KHDRBS2: variants seen among roughly 807,000 people sequenced by gnomAD.
KHDRBS2 encodes the protein KH RNA binding domain containing, signal transduction associated 2, also known as KH domain-containing, RNA-binding, signal transduction-associated protein 2.
In KHDRBS2, 26 loss-of-function variants were observed where a neutral mutation model predicts 44.3. That is an observed-to-expected ratio of 0.59 (90% confidence interval 0.43 to 0.81). The LOEUF is 0.81. KHDRBS2 is among the 40% of genes least tolerant of loss of function. KHDRBS2 has a pLI of 0.00. For synonymous variants in KHDRBS2, 194 were observed against 151.1 expected (o/e 1.28, Z -2.08); for missense variants, 476 against 433.1 (o/e 1.10, Z -0.88).
At chr6:62,208,101 A>C (rs1254054503) in intron 1 of KHDRBS2, among the ~76,000 whole-genome samples, 1 of 152,126 alleles carries the variant, frequency 6.6e-6, no homozygotes, top group Non-Finnish European at 1.5e-5. Context: ...GTATAGTTGA[A>C]TTATATTCTA....
chr6:62,235,339 A>T (rs1833542200), intron 1 of KHDRBS2, among the ~76,000 whole-genome samples: 1 of 151,904 alleles, frequency 6.6e-6, no homozygotes, highest in Non-Finnish European at 1.5e-5. Flanking sequence ...CTAGATAGAC[A>T]CTTTCTTCTG....
intron 6 of KHDRBS2, among the ~76,000 whole-genome samples, chr6:61,734,276 C>T (rs1774967586): frequency 6.6e-6 from 1 of 152,000 alleles, no homozygotes. Flanking sequence ...TAATTAGTTG[C>T]TATTGAGTTA....
the KHDRBS2 span, among the ~76,000 whole-genome samples, chr6:61,673,030 G>A: frequency 6.6e-6 from 1 of 151,726 alleles, no homozygotes; most frequent in Admixed American, 6.6e-5. Flanking sequence ...TGTATAAGGT[G>A]TAAGGAAGGG....
intron 1 of KHDRBS2, among the ~76,000 whole-genome samples, chr6:62,263,103 A>G (rs1459543887): frequency 6.6e-6 from 1 of 151,734 alleles, no homozygotes; most frequent in Non-Finnish European, 1.5e-5. Context: ...CTCAAAGGAA[A>G]GACTCATTAG....
At chr6:62,218,230 G>A (rs144642081) in intron 1 of KHDRBS2, among the ~76,000 whole-genome samples, 1 of 152,028 alleles carries the variant, frequency 6.6e-6, no homozygotes, top group African/African-American at 2.4e-5. Context: ...AGTCATCTGA[G>A]TAGACGAGAA....
chr6:62,062,315 C>T (rs376426324), intron 2 of KHDRBS2, among the ~76,000 whole-genome samples: 1 of 144,554 alleles, frequency 6.9e-6, no homozygotes, highest in South Asian at 2.3e-4. Flanking sequence ...CCCAAATCAA[C>T]AGAATATACA....
intron 4 of KHDRBS2, among the ~76,000 whole-genome samples, chr6:61,905,284 G>T (rs1804754674): frequency 6.6e-6 from 1 of 152,138 alleles, no homozygotes; most frequent in African/African-American, 2.4e-5. Context: ...GCATTCATGT[G>T]TGTAGTAGGG....
chr6:61,635,702 C>G, the KHDRBS2 span, among the ~76,000 whole-genome samples: 2 of 152,076 alleles, frequency 1.3e-5, no homozygotes, highest in Admixed American at 1.3e-4. Flanking sequence ...AAAAGGTGTT[C>G]TTTACATACC....
chr6:62,133,175 T>G (rs1386950868), intron 2 of KHDRBS2, among the ~76,000 whole-genome samples: 1 of 152,166 alleles, frequency 6.6e-6, no homozygotes, highest in Non-Finnish European at 1.5e-5. Context: ...AGTGGGAATG[T>G]AGATTGGTGA....
intron 2 of KHDRBS2, among the ~76,000 whole-genome samples, chr6:62,060,463 T>C (rs913328676): frequency 6.6e-6 from 1 of 151,642 alleles, no homozygotes; most frequent in African/African-American, 2.4e-5. Flanking sequence ...AATTTAGAGT[T>C]TGAGAAAAAG....
At chr6:61,576,544 CT>C in the KHDRBS2 span, among the ~76,000 whole-genome samples, 1 of 152,034 alleles carries the variant, frequency 6.6e-6, no homozygotes, top group African/African-American at 2.4e-5. Flanking sequence ...ATTTGGATGC[CT>C]TTTATTTCTT....
chr6:62,268,551 T>TAC (rs1839568917), intron 1 of KHDRBS2, among the ~76,000 whole-genome samples: 1 of 152,108 alleles, frequency 6.6e-6, no homozygotes, highest in Non-Finnish European at 1.5e-5. Context: ...ACATCTACTC[T>TAC]ACCAAGGGTG....
intron 6 of KHDRBS2, among the ~76,000 whole-genome samples, chr6:61,848,516 TATGTATATATATATAC>T (rs1562294383): frequency 4.2e-4 from 20 of 48,172 alleles, no homozygotes; most frequent in African/African-American, 6.5e-4. Context: ...TATATGTATA[TATGTATATATATATAC>T]ATATATATGT....
At chr6:62,100,383 C>A (rs1801583888) in intron 2 of KHDRBS2, among the ~76,000 whole-genome samples, 1 of 152,142 alleles carries the variant, frequency 6.6e-6, no homozygotes, top group Non-Finnish European at 1.5e-5. Context: ...CATAATATTA[C>A]ATAAATTTAG....
At chr6:61,954,984 G>GTATA (rs1766187692) in intron 4 of KHDRBS2, among the ~76,000 whole-genome samples, 2 of 93,230 alleles carry the variant, frequency 2.1e-5, no homozygotes, top group South Asian at 3.4e-4. Context: ...ATATGTATGT[G>GTATA]TATACATATA....
chr6:61,554,708 A>T, the KHDRBS2 span, among the ~76,000 whole-genome samples: 2 of 152,170 alleles, frequency 1.3e-5, no homozygotes, highest in African/African-American at 2.4e-5. Context: ...ATCTCGTGAC[A>T]GCAAAATCCG....
chr6:61,877,466 T>G (rs989435804), intron 6 of KHDRBS2, among the ~76,000 whole-genome samples: 5 of 151,768 alleles, frequency 3.3e-5, no homozygotes, highest in African/African-American at 1.2e-4. Flanking sequence ...TTTTTGTTTT[T>G]CCCTCTCCCT....
the KHDRBS2 span, among the ~76,000 whole-genome samples, chr6:61,624,371 A>G: frequency 2.0e-5 from 3 of 152,174 alleles, no homozygotes; most frequent in Non-Finnish European, 2.9e-5. Context: ...ACAAACACCA[A>G]GTGGACACTT....
the KHDRBS2 span, among the ~76,000 whole-genome samples, chr6:61,666,745 A>G: frequency 2.0e-5 from 3 of 151,310 alleles, no homozygotes; most frequent in African/African-American, 7.3e-5. Context: ...AAAACACTAA[A>G]CTCTCTAATT....
Sources: allele counts gnomAD v4.1 joint callset (sites outside exome capture counted in the v4.1 genomes callset), GRCh38; gene constraint gnomAD v4.1.1; transcripts MANE v1.5; gene names NCBI Gene and HGNC (gene_info 2026-07-23, HGNC 2026-07-21).